MATN4: variants seen among roughly 807,000 people sequenced by gnomAD.
The protein encoded by MATN4 is matrilin 4, also known as matrilin-4.
In MATN4, 40 loss-of-function variants were observed where a neutral mutation model predicts 54.6. That is an observed-to-expected ratio of 0.73 (90% CI 0.57 to 0.95). The LOEUF (loss-of-function observed/expected upper bound fraction) is 0.95, where lower values mean the gene tolerates loss of function less well. Among genes scored for constraint, MATN4 ranks in the 40% least tolerant of loss-of-function variants. The probability of loss-of-function intolerance (pLI) is 0.00; values close to 1 mark genes in which losing one functional copy is unlikely to be tolerated. For synonymous variants in MATN4, 351 were observed against 345.3 expected (o/e 1.02, Z -0.18); for missense variants, 810 against 819.1 (o/e 0.99, Z 0.13).
At chr20:45,305,371 G>C in intron 2 of MATN4, 139 bp downstream of exon 2, 2 of 587,610 alleles carry the variant, frequency 3.4e-6, no homozygotes, top group Non-Finnish European at 5.9e-6. Context: ...GCCCAGAAAG[G>C]TGAAGTGGGG....
chr20:45,304,286 G>C lies in MATN4; in HGVS notation c.585C>G (p.Leu195=). 1 of 1,554,064 alleles carries C rather than the reference G, an allele frequency of 6.4e-7. No individual in the cohort carries two copies. Among genetic ancestry groups the C allele is most frequent in the Non-Finnish European group, 8.7e-7 (1 of 1,152,972 alleles). Residue 195 remains leucine, a synonymous_variant, in exon 3 of 10, where the codon CTC becomes CTG. Transcript: ENST00000372756. ...CCTGGATGAGGTCGAAGGACTCTACGAGGAAGACGTGCTCGTCTAGCGGGG... is the reference window on the plus strand; with the variant it reads ...CCTGGATGAGGTCGAAGGACTCTACCAGGAAGACGTGCTCGTCTAGCGGGG... ...ASPPLDEHVF[L]VESFDLIQEF...
At position 45,298,143 on chromosome 20, in the gene MATN4, G is replaced by GC. The variant is rs1985974891; in HGVS notation, c.1426+26dup. 5 of 1,599,988 alleles carry GC rather than the reference G, an allele frequency of 3.1e-6. No individual in the cohort carries two copies. The highest frequency in any genetic ancestry group is 4.3e-6 in the Non-Finnish European group (5 of 1,170,264). On this transcript the variant is annotated intron_variant, in intron 7 of 9. Transcript: ENST00000372756. This position sits in a 1 kb window ranked among gnomAD's most constrained non-coding sequence, Gnocchi z 4.6. Reference sequence around the variant, plus strand: ...CCTCCCAGCGTCTGACCCAACCCCAGCCCACTGTGTCCCATGCCAAGCCCA... The same window carrying GC: ...CCTCCCAGCGTCTGACCCAACCCCAGCCCCACTGTGTCCCATGCCAAGCCCA...
chr20:45,305,675 G>C (rs564990621), intron 1 of MATN4, 59 bp from the exon 2 acceptor site: 14 of 809,218 alleles, frequency 1.7e-5, no homozygotes, highest in Non-Finnish European at 2.9e-5. Context: ...TATTCTGGGT[G>C]ATAGGCACTT....
intron 8 of MATN4, among the ~76,000 whole-genome samples, chr20:45,296,214 C>CAAAAAAAAAAAA (rs71181820): frequency 2.8e-5 from 1 of 35,480 alleles, no homozygotes; most frequent in Non-Finnish European, 4.9e-5. Flanking sequence ...GACTCCATCT[C>CAAAAAAAAAAAA]AAAAAAAAAA....
intron 8 of MATN4, among the ~76,000 whole-genome samples, chr20:45,296,738 C>T (rs1217353012): frequency 3.3e-5 from 5 of 151,736 alleles, no homozygotes; most frequent in Admixed American, 1.3e-4. Context: ...TGGCTGAGAG[C>T]GGGGAGGGAA....
upstream of MATN4, chr20:45,308,358 T>TGGG: frequency 9.4e-6 from 7 of 743,008 alleles, no homozygotes; most frequent in Middle Eastern, 3.5e-4. Context: ...GGAGGGGAAG[T>TGGG]GCAGGCTGCA....
chr20:45,299,083 C>G (rs1986055820), intron 6 of MATN4, among the ~76,000 whole-genome samples: 1 of 152,166 alleles, frequency 6.6e-6, no homozygotes, highest in African/African-American at 2.4e-5. Context: ...AAGTGATTGC[C>G]CCAGATTTCA....
rs1021967078 is a variant in MATN4 at position 45,304,524 on chromosome 20, G to T, written c.347C>A (p.Ala116Glu). ...PLAQGTMTGL[A>E]IQYAMNVAFS... is the part of the protein sequence containing the mutation. ...GGCCACGTTCATGGCGTACTGGATT[G>T]CCAGTCCCGTCATGGTGCCTTGCGC... is the stretch of plus-strand genomic sequence containing the variant. The change falls in exon 3 of 10, where the codon GCA becomes GAA. Residue 116 changes from alanine (A) to glutamate (E), a missense_variant. Coordinates refer to ENST00000372756, the MANE Select transcript of MATN4 (RefSeq NM_001393530.1). The T allele has an allele frequency of 6.3e-7, 1 of 1,592,946 alleles. No individual in the cohort carries two copies. The highest frequency in any genetic ancestry group is 2.3e-5 in the East Asian group (1 of 44,072).
rs2233096 is a variant in MATN4, at chr20:45,301,531, C to A, written c.644-88G>T. On this transcript the variant is annotated intron_variant, in intron 3 of 9. Coordinates refer to ENST00000372756, the MANE Select transcript of MATN4 (RefSeq NM_001393530.1). ...CACCTAAGGAAATTTTAAAGAATAC[C>A]TACGCCTGGGCCCCAACCCCAAAAA... 2.4e-3 allele frequency: 3,432 copies of A among 1,405,808 alleles called. 64 individuals carry two copies. In the African/African-American group the frequency reaches 0.043, roughly 18 times the overall value. 87.1% of individuals were successfully genotyped at this position (1,405,808 alleles called of 1,614,324 possible).
In MATN4 at chr20:45,305,528, T is replaced by C; in HGVS notation, c.55A>G (p.Thr19Ala). 1 of 1,556,284 alleles carries C rather than the reference T, an allele frequency of 6.4e-7. No homozygotes were observed. Among genetic ancestry groups the C allele is most frequent in the South Asian group, 1.2e-5 (1 of 84,200 alleles). The change falls in exon 2 of 10, where the codon ACC becomes GCC. Residue 19 changes from threonine to alanine, a missense_variant. Thr to Ala is a moderately conservative substitution (Grantham distance 58). Transcript: ENST00000372756. ...VLLLLLQPWETQLQLTGPRCH... is the reference protein window; with the variant it reads ...VLLLLLQPWEAQLQLTGPRCH... ...AGTTCACCTGTCAACTGGAGCTGGG[T>C]TTCCCAGGGCTGAAGAAGGAGCAGC... is the stretch of plus-strand genomic sequence containing the variant.
rs1050664864 is a variant in MATN4, at chr20:45,301,542, C to A, written c.644-99G>T. The A allele has an allele frequency of 1.3e-5, 17 of 1,276,188 alleles. No homozygotes were observed. In the African/African-American group the frequency reaches 1.8e-4, roughly 13 times the overall value. The allele number at this position is 1,276,188 out of a possible 1,614,324, so 79.1% of individuals were successfully genotyped here. A position where few individuals can be genotyped will look rare whatever the true frequency, so the allele number is the denominator to read the frequency against. ...ATTTTAAAGAATACCTACGCCTGGG[C>A]CCCAACCCCAAAAATCCTGACCTAA... On this transcript the variant is annotated intron_variant, in intron 3 of 9. Coordinates refer to ENST00000372756, the MANE Select transcript of MATN4 (RefSeq NM_001393530.1).
At chr20:45,305,260 T>A (rs1255806024) in intron 2 of MATN4, among the ~76,000 whole-genome samples, 1 of 152,152 alleles carries the variant, frequency 6.6e-6, no homozygotes, top group Non-Finnish European at 1.5e-5. Context: ...ATTTCCTGGT[T>A]TTTTTCCATG....
At chr20:45,300,356 G>A (rs962925128) in intron 6 of MATN4, among the ~76,000 whole-genome samples, 3 of 152,180 alleles carry the variant, frequency 2.0e-5, no homozygotes, top group African/African-American at 4.8e-5. Flanking sequence ...AAGCTAGATC[G>A]TGATGACCTA....
In MATN4 at chr20:45,294,022, G is replaced by A; in HGVS notation, c.1580-7C>T. On this transcript the variant is annotated splice_polypyrimidine_tract_variant and splice_region_variant and intron_variant, in intron 8 of 9. Transcript: ENST00000372756. ...CCTGCGCTGATGCCCTCCTCTGCAA[G>A]CCGGACACAGAGGGTCAGGGGGATG... 1 of 1,595,314 alleles carries A rather than the reference G, an allele frequency of 6.3e-7. No individual in the cohort carries two copies. Among genetic ancestry groups the A allele is most frequent in the Non-Finnish European group, 8.5e-7 (1 of 1,174,964 alleles).
At chr20:45,297,146 T>TAA (rs59982732) in intron 8 of MATN4, among the ~76,000 whole-genome samples, 28 of 140,638 alleles carry the variant, frequency 2.0e-4, no homozygotes, top group Non-Finnish European at 3.4e-4. Flanking sequence ...TACATATATC[T>TAA]AAAAAAAAAA....
At chr20:45,307,249 T>G (rs1986794762) in intron 1 of MATN4, among the ~76,000 whole-genome samples, 2 of 152,124 alleles carry the variant, frequency 1.3e-5, no homozygotes, top group Admixed American at 1.3e-4. Context: ...CAGCTGCCCC[T>G]AACCCAACAG....
At chr20:45,305,843 G>C (rs890634650) in intron 1 of MATN4, among the ~76,000 whole-genome samples, 1 of 58,614 alleles carries the variant, frequency 1.7e-5, no homozygotes, top group Admixed American at 2.5e-4. Context: ...TTGCTCTGTC[G>C]TCCCGGCTGG....
At chr20:45,294,892 T>C (rs1160493919) in intron 8 of MATN4, among the ~76,000 whole-genome samples, 1 of 152,176 alleles carries the variant, frequency 6.6e-6, no homozygotes, top group Admixed American at 6.6e-5. Context: ...GTGGCATTGT[T>C]AGATTCTCAT....
At chr20:45,300,797 T>C (rs1278388683) in intron 6 of MATN4, 90 bp downstream of exon 6, 1 of 1,523,884 alleles carries the variant, frequency 6.6e-7, no homozygotes, top group Non-Finnish European at 8.9e-7. Flanking sequence ...CACCACAGCC[T>C]AGGGGCCACA....
Sources: gnomAD v4.1 joint callset for allele counts (sites outside exome capture counted in the v4.1 genomes callset) on GRCh38, gnomAD v4.1.1 for gene constraint, Gnocchi (gnomAD v3.1) non-coding constraint, MANE v1.5 for transcripts, NCBI Gene and HGNC (gene_info 2026-07-23, HGNC 2026-07-21) for gene names.